MAN2B1: variants seen among roughly 807,000 people sequenced by gnomAD.
MAN2B1 encodes lysosomal alpha-mannosidase.
In MAN2B1, 99 loss-of-function variants were observed where a neutral mutation model predicts 127.5. The observed-to-expected ratio is 0.78, with a 90% CI of 0.66 to 0.92. The LOEUF (loss-of-function observed/expected upper bound fraction) is 0.92. MAN2B1 is among the 40% of genes least tolerant of loss of function. The pLI, the probability that MAN2B1 is intolerant of heterozygous loss-of-function variation, is 0.00. For synonymous variants in MAN2B1, 573 were observed against 568.8 expected (o/e 1.01, Z -0.11); for missense variants, 1,304 against 1,384.8 (o/e 0.94, Z 0.93).
At chr19:12,649,496 T>TTTTTTTTTTTTTTTTTTTTTTG in intron 18 of MAN2B1, 68 bp from the exon 19 acceptor site, 1 of 858,364 alleles carries the variant, frequency 1.2e-6, no homozygotes, top group Non-Finnish European at 1.8e-6. Flanking sequence ...TTTTTTTTTT[T>TTTTTTTTTTTTTTTTTTTTTTG]TTTGAGATGG....
At chr19:12,649,885 C>A (rs759094537) in intron 18 of MAN2B1, 28 bp downstream of exon 18, 1 of 1,572,446 alleles carries the variant, frequency 6.4e-7, no homozygotes, top group South Asian at 1.1e-5. Flanking sequence ...CACAGACCAC[C>A]CCCTCAGTGC....
In MAN2B1 at chr19:12,666,719, C is replaced by T. The variant is rs534455148; in HGVS notation, c.-18G>A. 25 of 1,546,566 alleles carry T rather than the reference C, an allele frequency of 1.6e-5. No homozygotes were observed. In the Admixed American group the frequency reaches 4.7e-4, roughly 29 times the overall value. On this transcript the variant is annotated 5_prime_UTR_variant, in exon 1 of 24. Coordinates refer to ENST00000456935, the MANE Select transcript of MAN2B1 (RefSeq NM_000528.4). ...GCGCCCATGGCTCAGCAGCTTCCTC[C>T]TGGGGTTCCCCGGCCCTGGAAAGGC...
At chr19:12,663,667 C>T (rs1020202596) in intron 5 of MAN2B1, 36 bp downstream of exon 5, 6 of 1,585,884 alleles carry the variant, frequency 3.8e-6, no homozygotes, top group Non-Finnish European at 3.4e-6. Flanking sequence ...GAGTGTGTGG[C>T]ACCATGGCTG....
At position 12,655,805 on chromosome 19, in the gene MAN2B1, C is replaced by T. The variant is rs367980012; in HGVS notation, c.1719G>A (p.Leu573=). 6.2e-7 allele frequency: 1 copy of T among 1,613,068 alleles called. No homozygotes were observed. The highest frequency in any genetic ancestry group is 8.5e-7 in the Non-Finnish European group (1 of 1,179,400). ...ELLFSASLPA[L]GFSTYSVAQV... is the part of the protein sequence containing the mutation. Reference sequence around the variant, plus strand: ...GGGCTACTGAATAGGTGCTGAAGCCCAGGGCGGGCAGTGAGGCTGAGAACA... The same window carrying T: ...GGGCTACTGAATAGGTGCTGAAGCCTAGGGCGGGCAGTGAGGCTGAGAACA... The change falls in exon 14 of 24, where the codon CTG becomes CTA. Residue 573 remains leucine (L), a synonymous_variant. Transcript: ENST00000456935.
At position 12,663,793 on chromosome 19, in the gene MAN2B1, C is replaced by A. The variant is rs2024165338; in HGVS notation, c.673G>T (p.Asp225Tyr). ...AGCTTCTGCATCCGTACCCACTTAT[C>A]TTGATAATCAAGGCGCCCAAAGAAG... ...GFFFGRLDYQDKWVRMQKLEM... is the reference protein window; with the variant it reads ...GFFFGRLDYQYKWVRMQKLEM... The change falls in exon 5 of 24, where the codon GAT (aspartate) becomes TAT (tyrosine). Residue 225 changes from aspartate to tyrosine, a missense_variant. Coordinates refer to ENST00000456935, the MANE Select transcript of MAN2B1 (RefSeq NM_000528.4). 1 of 1,614,098 alleles carries A rather than the reference C, an allele frequency of 6.2e-7. No individual in the cohort carries two copies. The highest frequency in any genetic ancestry group is 8.5e-7 in the Non-Finnish European group (1 of 1,180,042).
intron 6 of MAN2B1, among the ~76,000 whole-genome samples, 167 bp downstream of exon 6, chr19:12,663,150 G>T (rs2024147165): frequency 6.6e-6 from 1 of 151,718 alleles, no homozygotes; most frequent in Non-Finnish European, 1.5e-5. Flanking sequence ...GGAGGCAGAG[G>T]TTGCAGTGAG....
At position 12,655,761 on chromosome 19, in the gene MAN2B1, G is replaced by A. The variant is rs1442786010; in HGVS notation, c.1763C>T (p.Pro588Leu). The A allele has an allele frequency of 6.2e-7, 1 of 1,609,254 alleles. No individual in the cohort carries two copies. ...YSVAQVPRWK[P>L]QARAPQPIPR... is the part of the protein sequence containing the mutation. ...GATGGGCTGTGGTGCGCGGGCCTGG[G>A]GCTTCCAGCGAGGCACCTGGGCTAC... Residue 588 changes from proline (P) to leucine (L), a missense_variant, in exon 14 of 24, where the codon CCC (proline) becomes CTC (leucine). Pro to Leu is a moderately conservative substitution (Grantham distance 98, BLOSUM62 -3). Coordinates refer to ENST00000456935, the MANE Select transcript of MAN2B1 (RefSeq NM_000528.4).
chr19:12,665,822 A>G lies in MAN2B1; in HGVS notation c.160-17T>C, dbSNP rs1302910706. ...GGGGCATGTCTGCACAGGGACCCCA[A>G]ACACACATACCTTGTCAATAACCCC... On this transcript the variant is annotated splice_polypyrimidine_tract_variant and intron_variant, in intron 1 of 23. Coordinates refer to ENST00000456935, the MANE Select transcript of MAN2B1 (RefSeq NM_000528.4). 9 of 1,598,752 alleles carry G rather than the reference A, an allele frequency of 5.6e-6. No individual in the cohort carries two copies. The highest frequency in any genetic ancestry group is 7.7e-6 in the Non-Finnish European group (9 of 1,167,162).
chr19:12,660,706 C>T (rs1431995196), intron 7 of MAN2B1, among the ~76,000 whole-genome samples: 1 of 150,928 alleles, frequency 6.6e-6, no homozygotes, highest in Non-Finnish European at 1.5e-5. Context: ...AGAAGGAACA[C>T]AGCCTTGCCA....
chr19:12,649,263 G>A, intron 19 of MAN2B1, 47 bp from the exon 20 acceptor site: 1 of 1,602,794 alleles, frequency 6.2e-7, no homozygotes, highest in Non-Finnish European at 8.5e-7. Flanking sequence ...CCCAACCCCA[G>A]GCAGCTTTGA....
At chr19:12,663,207 G>T (rs1442697412) in intron 6 of MAN2B1, 110 bp downstream of exon 6, 6 of 1,352,750 alleles carry the variant, frequency 4.4e-6, no homozygotes, top group Non-Finnish European at 6.3e-6. Flanking sequence ...GAGTAAGACT[G>T]TCTCAAAAAA....
rs1294436068 is a variant in MAN2B1, at chr19:12,647,863, A to G, written c.2665-265T>C. On this transcript the variant is annotated intron_variant, in intron 21 of 23. Coordinates refer to ENST00000456935, the MANE Select transcript of MAN2B1 (RefSeq NM_000528.4). This position sits in a 1 kb window ranked among gnomAD's most constrained non-coding sequence, Gnocchi z 4.9. Reference sequence around the variant, plus strand: ...GACTTTGGGAGTTACGGCGGGGCTGAAGCCGCGGGGCTGGGTGAGGCAGGA... The same window carrying G: ...GACTTTGGGAGTTACGGCGGGGCTGGAGCCGCGGGGCTGGGTGAGGCAGGA... Among the ~76,000 whole-genome samples, 1 of 151,434 alleles carries G rather than the reference A, an allele frequency of 6.6e-6. No individual in the cohort carries two copies.
chr19:12,647,625 T>G lies in MAN2B1; in HGVS notation c.2665-27A>C, dbSNP rs1341134488. 2.6e-6 allele frequency: 4 copies of G among 1,523,464 alleles called. No individual in the cohort carries two copies. Among genetic ancestry groups the G allele is most frequent in the African/African-American group, 3.0e-5 (2 of 67,746 alleles). The allele number at this position is 1,523,464 out of a possible 1,614,324, so 94.4% of individuals were successfully genotyped here. On this transcript the variant is annotated intron_variant, in intron 21 of 23. Transcript: ENST00000456935. This position sits in a 1 kb window ranked among gnomAD's most constrained non-coding sequence, Gnocchi z 4.9. ...TGCGGGAGAGAGGGCGGGGCTGAGTTGGAGAGGGGCGGGGCCTGGATGGAG... is the reference window on the plus strand; with the variant it reads ...TGCGGGAGAGAGGGCGGGGCTGAGTGGGAGAGGGGCGGGGCCTGGATGGAG...
At chr19:12,657,803 A>C (rs2024004517) in intron 10 of MAN2B1, 1 of 606,592 alleles carries the variant, frequency 1.6e-6, no homozygotes, top group South Asian at 2.0e-5. Context: ...AAAATACAAA[A>C]AATTAGCCGG....
intron 18 of MAN2B1, 39 bp downstream of exon 18, chr19:12,649,874 C>G: frequency 6.5e-7 from 1 of 1,548,846 alleles, no homozygotes; most frequent in East Asian, 2.2e-5. Context: ...CCCCAACACA[C>G]CACAGACCAC....
intron 14 of MAN2B1, among the ~76,000 whole-genome samples, chr19:12,655,248 G>C (rs1451071652): frequency 6.6e-6 from 1 of 152,148 alleles, no homozygotes; most frequent in Non-Finnish European, 1.5e-5. Flanking sequence ...CGTTCACCCT[G>C]CTTCAGCCAC....
chr19:12,660,959 A>G (rs780660204), intron 7 of MAN2B1: 10 of 360,506 alleles, frequency 2.8e-5, no homozygotes, highest in Non-Finnish European at 5.4e-5. Context: ...GCGTTTCACC[A>G]TGTTGGTCAG....
At chr19:12,650,759 C>T (rs1330723521) in intron 16 of MAN2B1, among the ~76,000 whole-genome samples, 1 of 151,844 alleles carries the variant, frequency 6.6e-6, no homozygotes, top group African/African-American at 2.4e-5. Context: ...CAACCTCCGC[C>T]TCCTGGGTTC....
chr19:12,647,736 G>A lies in MAN2B1; in HGVS notation c.2665-138C>T, dbSNP rs2023728216. 2.8e-6 allele frequency: 2 copies of A among 713,820 alleles called. No individual in the cohort carries two copies. Among genetic ancestry groups the A allele is most frequent in the Non-Finnish European group, 4.6e-6 (2 of 434,824 alleles). 44.2% of individuals were successfully genotyped at this position (713,820 alleles called of 1,614,324 possible). A position where few individuals can be genotyped will look rare whatever the true frequency, so the allele number is the denominator to read the frequency against. ...GAGAGGGGCAAGGCTCAGCCGAGAGGAGCGGCCAGGGCCGTGACAGGGAGG... is the reference window on the plus strand; with the variant it reads ...GAGAGGGGCAAGGCTCAGCCGAGAGAAGCGGCCAGGGCCGTGACAGGGAGG... On this transcript the variant is annotated intron_variant, in intron 21 of 23. Coordinates refer to ENST00000456935, the MANE Select transcript of MAN2B1 (RefSeq NM_000528.4). This position sits in a 1 kb window ranked among gnomAD's most constrained non-coding sequence, Gnocchi z 4.9.
Sources: gnomAD v4.1 joint callset for allele counts (sites outside exome capture counted in the v4.1 genomes callset) on GRCh38, gnomAD v4.1.1 for gene constraint, Gnocchi (gnomAD v3.1) non-coding constraint, MANE v1.5 for transcripts, NCBI Gene and HGNC (gene_info 2026-07-23, HGNC 2026-07-21) for gene names.